Variants in DCUN1D5 observed in about 807,000 individuals in gnomAD.
The protein encoded by DCUN1D5 is DCN1-like protein 5.
Under a neutral mutation model 38.3 loss-of-function variants are expected in DCUN1D5, and 10 were observed. The ratio of observed to expected loss-of-function variants is 0.26; its 90% confidence interval spans 0.16 to 0.44. The LOEUF (loss-of-function observed/expected upper bound fraction) is 0.44, where lower values mean the gene tolerates loss of function less well. Ranked by LOEUF, DCUN1D5 falls within the 20% of genes least tolerant of loss-of-function variation. DCUN1D5 has a pLI of 1.00. For missense variants in DCUN1D5, 148 were observed against 275.3 expected, an observed-to-expected ratio of 0.54 and a Z score of 3.27; for synonymous variants, 93 against 90.9, an observed-to-expected ratio of 1.02 and a Z score of -0.13.
rs973826869 is a variant in DCUN1D5 at position 103,054,997 on chromosome 11, ATTTC to A, written c.*7358_*7361del. The A allele has an allele frequency of 6.6e-6, 1 of 152,044 alleles. No homozygotes were observed. Among genetic ancestry groups the A allele is most frequent in the Non-Finnish European group, 1.5e-5 (1 of 67,970 alleles). The allele number at this position is 152,044 out of a possible 1,614,324, so 9.4% of individuals were successfully genotyped here. A position where few individuals can be genotyped will look rare whatever the true frequency, so the allele number is the denominator to read the frequency against. On this transcript the variant is annotated 3_prime_UTR_variant, in exon 8 of 8. Coordinates refer to ENST00000260247, the MANE Select transcript of DCUN1D5 (RefSeq NM_032299.4). ...ATGCTTGGGACCGGAAGTGTTTTAGATTTCTTTTTTTTGATCTTTGAATATTTGC... is the reference window on the plus strand; with the variant it reads ...ATGCTTGGGACCGGAAGTGTTTTAGATTTTTTTTGATCTTTGAATATTTGC...
Position 103,062,501 on chromosome 11 carries a change from C to A in DCUN1D5, c.659-87G>T. On this transcript the variant is annotated intron_variant, in intron 7 of 7. Transcript: ENST00000260247. This position sits in a 1 kb window ranked among gnomAD's most constrained non-coding sequence, Gnocchi z 4.6. ...AAACTCCCCACGAGCTCTGCAATGACAGAGGAATGACCCTTCCTTTCTTTG... is the reference window on the plus strand; with the variant it reads ...AAACTCCCCACGAGCTCTGCAATGAAAGAGGAATGACCCTTCCTTTCTTTG... The A allele has an allele frequency of 8.8e-7, 1 of 1,131,176 alleles. No individual in the cohort carries two copies. Among genetic ancestry groups the A allele is most frequent in the Non-Finnish European group, 1.3e-6 (1 of 763,766 alleles). The allele number at this position is 1,131,176 out of a possible 1,614,324, so 70.1% of individuals were successfully genotyped here.
chr11:103,076,020 T>C (rs2134620541), intron 4 of DCUN1D5, among the ~76,000 whole-genome samples: 1 of 152,328 alleles, frequency 6.6e-6, no homozygotes, highest in Admixed American at 6.5e-5. Flanking sequence ...TTTGAAAATA[T>C]GGAGATGAAG....
chr11:103,060,275 G>A lies in DCUN1D5; in HGVS notation c.*2084C>T, dbSNP rs1861981196. On this transcript the variant is annotated 3_prime_UTR_variant, in exon 8 of 8. Transcript: ENST00000260247. ...TAGGATAGGACAGTTGACTTTAAGG[G>A]AAAAAATAAAGTAAATTTCATTTTC... 6.6e-6 allele frequency among the ~76,000 whole-genome samples: 1 copy of A among 152,016 alleles called. No homozygotes were observed. Among genetic ancestry groups the A allele is most frequent in the Non-Finnish European group, 1.5e-5 (1 of 67,992 alleles).
chr11:103,074,982 A>C (rs1432699887), intron 4 of DCUN1D5, among the ~76,000 whole-genome samples: 1 of 152,194 alleles, frequency 6.6e-6, no homozygotes, highest in East Asian at 1.9e-4. Context: ...CATTACAAAC[A>C]GGGGAGTCTT....
chr11:103,085,819 G>A (rs540302689), intron 2 of DCUN1D5, among the ~76,000 whole-genome samples: 3 of 152,262 alleles, frequency 2.0e-5, no homozygotes, highest in South Asian at 2.1e-4. Context: ...AAATGATTTT[G>A]TTCATACTAT....
At position 103,092,131 on chromosome 11, in the gene DCUN1D5, A is replaced by G. The variant is rs922583862; in HGVS notation, c.-259T>C. The G allele has an allele frequency of 2.7e-5, 12 of 443,346 alleles. No individual in the cohort carries two copies. Among genetic ancestry groups the G allele is most frequent in the African/African-American group, 2.4e-4 (12 of 49,028 alleles). The allele number at this position is 443,346 out of a possible 1,614,324, so 27.5% of individuals were successfully genotyped here. ...CTCACCGGGAGGAGATAACGCGGAC[A>G]GCGCGGCAGCTCCACCAGTCACAGC... is the stretch of plus-strand genomic sequence containing the variant. On this transcript the variant is annotated 5_prime_UTR_variant, in exon 1 of 8. Coordinates refer to ENST00000260247, the MANE Select transcript of DCUN1D5 (RefSeq NM_032299.4).
rs1359419616 is a variant in DCUN1D5, at chr11:103,091,047, C to T, written c.86+740G>A. On this transcript the variant is annotated intron_variant, in intron 1 of 7. Transcript: ENST00000260247. The surrounding 1 kb of genome is among the most constrained non-coding windows in gnomAD (Gnocchi z 4.3). ...ATCAAAGAGCTACTACTATATAGTTCTGCCTTGTCTTCTTTCTTACCAGTA... is the reference window on the plus strand; with the variant it reads ...ATCAAAGAGCTACTACTATATAGTTTTGCCTTGTCTTCTTTCTTACCAGTA... 1.3e-5 allele frequency among the ~76,000 whole-genome samples: 2 copies of T among 152,220 alleles called. No homozygotes were observed. The highest frequency in any genetic ancestry group is 4.8e-5 in the African/African-American group (2 of 41,468).
At position 103,056,143 on chromosome 11, in the gene DCUN1D5, T is replaced by C. The variant is rs1861867395; in HGVS notation, c.*6216A>G. On this transcript the variant is annotated 3_prime_UTR_variant, in exon 8 of 8. Transcript: ENST00000260247. The surrounding 1 kb of genome is among the most constrained non-coding windows in gnomAD (Gnocchi z 4.9). The stretch of plus-strand genomic sequence containing the variant: ...ACCTGGATTTACCATATTATCTTCC[T>C]ACTACTACCTGCTTCCATCCTTGCT... Among the ~76,000 whole-genome samples the C allele has an allele frequency of 6.6e-6, 1 of 152,218 alleles. No individual in the cohort carries two copies. Among genetic ancestry groups the C allele is most frequent in the Non-Finnish European group, 1.5e-5 (1 of 68,036 alleles).
At position 103,059,139 on chromosome 11, in the gene DCUN1D5, A is replaced by G. The variant is rs1394814207; in HGVS notation, c.*3220T>C. On this transcript the variant is annotated 3_prime_UTR_variant, in exon 8 of 8. Transcript: ENST00000260247. ...AGAACAACACCTGGCATTCTTACCA[A>G]TTACACCTCAAACTGAACATATATT... 2.6e-5 allele frequency among the ~76,000 whole-genome samples: 4 copies of G among 152,124 alleles called. No individual in the cohort carries two copies. Among genetic ancestry groups the G allele is most frequent in the Admixed American group, 1.3e-4 (2 of 15,264 alleles).
At chr11:103,079,463 G>C (rs1862496934) in intron 4 of DCUN1D5, among the ~76,000 whole-genome samples, 1 of 152,156 alleles carries the variant, frequency 6.6e-6, no homozygotes, top group Non-Finnish European at 1.5e-5. Context: ...GGGCAAAGTG[G>C]CTTACGCCTG....
chr11:103,081,759 C>T (rs1179481811), intron 4 of DCUN1D5, among the ~76,000 whole-genome samples: 2 of 151,686 alleles, frequency 1.3e-5, no homozygotes, highest in African/African-American at 4.8e-5. Context: ...AGGCTTTTAC[C>T]CAAAAATAAA....
At position 103,062,013 on chromosome 11, in the gene DCUN1D5, T is replaced by C. The variant is rs1471980892; in HGVS notation, c.*346A>G. 1 of 207,558 alleles carries C rather than the reference T, an allele frequency of 4.8e-6. No homozygotes were observed. Among genetic ancestry groups the C allele is most frequent in the African/African-American group, 2.3e-5 (1 of 43,104 alleles). The allele number at this position is 207,558 out of a possible 1,614,324, so 12.9% of individuals were successfully genotyped here. The stretch of plus-strand genomic sequence containing the variant: ...TGTAAATTCACGGTGAATTGGAACC[T>C]CAAAAATCAAAAAATTCAAATTTAC... On this transcript the variant is annotated 3_prime_UTR_variant, in exon 8 of 8. Coordinates refer to ENST00000260247, the MANE Select transcript of DCUN1D5 (RefSeq NM_032299.4). This position sits in a 1 kb window ranked among gnomAD's most constrained non-coding sequence, Gnocchi z 4.6.
chr11:103,066,357 C>T lies in DCUN1D5; in HGVS notation c.467G>A (p.Ser156Asn), dbSNP rs752593730. ...AGATTTAGCAGTATCAATATCAAGG[C>T]TTCTCTGATCTTTATCCTAAAATAT... ...FDFARDKDQR[S>N]LDIDTAKSML... is the part of the protein sequence containing the mutation. Residue 156 changes from serine to asparagine, a missense_variant, in exon 6 of 8, where the codon AGC becomes AAC. By Grantham distance (46) the Ser-to-Asn change is conservative. Transcript: ENST00000260247. This position sits in a 1 kb window ranked among gnomAD's most constrained non-coding sequence, Gnocchi z 4.7. 2 of 1,609,484 alleles carry T rather than the reference C, an allele frequency of 1.2e-6. No individual in the cohort carries two copies. Among genetic ancestry groups the T allele is most frequent in the Non-Finnish European group, 1.7e-6 (2 of 1,178,298 alleles).
Position 103,062,714 on chromosome 11 carries a change from G to A in DCUN1D5, c.659-300C>T, listed in dbSNP as rs1386723698. Among the ~76,000 whole-genome samples the A allele has an allele frequency of 6.6e-6, 1 of 151,924 alleles. No homozygotes were observed. Among genetic ancestry groups the A allele is most frequent in the African/African-American group, 2.4e-5 (1 of 41,374 alleles). Reference sequence around the variant, plus strand: ...TTTTCTAAGTGTCCATAGCATTCTGGCATTTAATTATGAAACAATCTGAAA... The same window carrying A: ...TTTTCTAAGTGTCCATAGCATTCTGACATTTAATTATGAAACAATCTGAAA... On this transcript the variant is annotated intron_variant, in intron 7 of 7. Transcript: ENST00000260247. This position sits in a 1 kb window ranked among gnomAD's most constrained non-coding sequence, Gnocchi z 4.6.
In DCUN1D5 at chr11:103,091,223, C is replaced by T. The variant is rs1862856196; in HGVS notation, c.86+564G>A. On this transcript the variant is annotated intron_variant, in intron 1 of 7. Transcript: ENST00000260247. This position sits in a 1 kb window ranked among gnomAD's most constrained non-coding sequence, Gnocchi z 4.3. ...GGCACTATACTTCCAGAAAATGGGG[C>T]TCCTGCAATTTAAAAGGCCTCCTGC... 6.6e-6 allele frequency among the ~76,000 whole-genome samples: 1 copy of T among 152,034 alleles called. No individual in the cohort carries two copies. Among genetic ancestry groups the T allele is most frequent in the South Asian group, 2.1e-4 (1 of 4,816 alleles).
In DCUN1D5 at chr11:103,083,122, C is replaced by A; in HGVS notation, c.249+134G>T. ...CCCAACTTAAACTGATTAAAAATACCTTAAATGCAAATTTACAATATTAAA... is the reference window on the plus strand; with the variant it reads ...CCCAACTTAAACTGATTAAAAATACATTAAATGCAAATTTACAATATTAAA... On this transcript the variant is annotated intron_variant, in intron 3 of 7. Coordinates refer to ENST00000260247, the MANE Select transcript of DCUN1D5 (RefSeq NM_032299.4). The surrounding 1 kb of genome is among the most constrained non-coding windows in gnomAD (Gnocchi z 4.4). 1.6e-6 allele frequency: 1 copy of A among 612,262 alleles called. No individual in the cohort carries two copies. The allele number at this position is 612,262 out of a possible 1,614,324, so 37.9% of individuals were successfully genotyped here. A position where few individuals can be genotyped will look rare whatever the true frequency, so the allele number is the denominator to read the frequency against.
At chr11:103,068,598 T>G (rs1000789842) in intron 4 of DCUN1D5, among the ~76,000 whole-genome samples, 2 of 151,956 alleles carry the variant, frequency 1.3e-5, no homozygotes, top group Non-Finnish European at 2.9e-5. Flanking sequence ...AAACCAAATA[T>G]CACATGTACT....
chr11:103,091,534 C>A lies in DCUN1D5; in HGVS notation c.86+253G>T. 1 of 528,882 alleles carries A rather than the reference C, an allele frequency of 1.9e-6. No individual in the cohort carries two copies. The highest frequency in any genetic ancestry group is 3.4e-6 in the Non-Finnish European group (1 of 295,776). The allele number at this position is 528,882 out of a possible 1,614,324, so 32.8% of individuals were successfully genotyped here. A position where few individuals can be genotyped will look rare whatever the true frequency, so the allele number is the denominator to read the frequency against. On this transcript the variant is annotated intron_variant, in intron 1 of 7. Coordinates refer to ENST00000260247, the MANE Select transcript of DCUN1D5 (RefSeq NM_032299.4). This position sits in a 1 kb window ranked among gnomAD's most constrained non-coding sequence, Gnocchi z 4.3. ...AATTTACATATGCATCTGTTCCCCA[C>A]CCTGCAGGGCACGTAGACTCTTAAC...
At chr11:103,069,111 C>T (rs558789122) in intron 4 of DCUN1D5, among the ~76,000 whole-genome samples, 1 of 152,274 alleles carries the variant, frequency 6.6e-6, no homozygotes, top group Admixed American at 6.5e-5. Flanking sequence ...CTCACTCTCT[C>T]CTAGGTACAA....
Sources: gnomAD v4.1 joint callset for allele counts (sites outside exome capture counted in the v4.1 genomes callset) on GRCh38, gnomAD v4.1.1 for gene constraint, Gnocchi (gnomAD v3.1) non-coding constraint, MANE v1.5 for transcripts, NCBI Gene and HGNC (gene_info 2026-07-23, HGNC 2026-07-21) for gene names.